PLCXD3: variants seen among roughly 807,000 people sequenced by gnomAD.
The protein encoded by PLCXD3 is phosphatidylinositol specific phospholipase C X domain containing 3.
PLCXD3 carries 19 observed loss-of-function variants against 25.5 expected under a neutral mutation model. That is an observed-to-expected ratio of 0.75 (90% CI 0.52 to 1.09). PLCXD3 has a LOEUF of 1.09. PLCXD3 is among the 50% of genes least tolerant of loss of function. The pLI is 0.00. For synonymous variants in PLCXD3, 174 were observed against 137.6 expected (o/e 1.26, Z -1.85); for missense variants, 411 against 388.1 (o/e 1.06, Z -0.50).
At chr5:41,354,089 C>T (rs948954726) in intron 2 of PLCXD3, among the ~76,000 whole-genome samples, 4 of 152,122 alleles carry the variant, frequency 2.6e-5, no homozygotes, top group African/African-American at 9.7e-5. Context: ...TTTTCTTCTG[C>T]CCAAGCCTAA....
chr5:41,400,347 A>C lies in PLCXD3; in HGVS notation c.104-17813T>G, dbSNP rs527427389. On this transcript the variant is annotated intron_variant, in intron 1 of 2. Coordinates refer to ENST00000377801, the MANE Select transcript of PLCXD3 (RefSeq NM_001005473.3). ...CCATCCCACTGCTGGGTATATACCC[A>C]AAAAAAGAAAATCAGTATACTGAAG... is the stretch of plus-strand genomic sequence containing the variant. 4.1e-4 allele frequency among the ~76,000 whole-genome samples: 63 copies of C among 152,218 alleles called. No individual in the cohort carries two copies. The East Asian group carries it at 7.2e-3, about 17-fold the overall frequency.
chr5:41,388,385 G>A (rs895836945), intron 1 of PLCXD3, among the ~76,000 whole-genome samples: 1 of 151,944 alleles, frequency 6.6e-6, no homozygotes, highest in Non-Finnish European at 1.5e-5. Flanking sequence ...TAAAAATTAA[G>A]CATTAATAAC....
chr5:41,334,324 A>G (rs1743919632), intron 2 of PLCXD3, among the ~76,000 whole-genome samples: 1 of 152,088 alleles, frequency 6.6e-6, no homozygotes, highest in African/African-American at 2.4e-5. Flanking sequence ...CCAGGTGACA[A>G]TATCTTTGAT....
chr5:41,377,695 G>A lies in PLCXD3; in HGVS notation c.812+4131C>T, dbSNP rs189952694. On this transcript the variant is annotated intron_variant, in intron 2 of 2. Coordinates refer to ENST00000377801, the MANE Select transcript of PLCXD3 (RefSeq NM_001005473.3). Reference sequence around the variant, plus strand: ...ACCATTGGCCAGATCGAAAGCTACGGTACCTAAATCCAGGCTAGATTTAGT... The same window carrying A: ...ACCATTGGCCAGATCGAAAGCTACGATACCTAAATCCAGGCTAGATTTAGT... Among the ~76,000 whole-genome samples the A allele has an allele frequency of 2.7e-3, 417 of 152,144 alleles. 2 individuals are homozygous for A. Among genetic ancestry groups the A allele is most frequent in the African/African-American group, 9.5e-3 (396 of 41,546 alleles).
chr5:41,329,607 T>C (rs779590055), intron 2 of PLCXD3, among the ~76,000 whole-genome samples: 6 of 152,112 alleles, frequency 3.9e-5, no homozygotes, highest in Non-Finnish European at 8.8e-5. Flanking sequence ...ACAAAAAATA[T>C]TGACTTGAAG....
chr5:41,362,826 G>GT (rs1190296982), intron 2 of PLCXD3, among the ~76,000 whole-genome samples: 1 of 152,028 alleles, frequency 6.6e-6, no homozygotes, highest in Non-Finnish European at 1.5e-5. Flanking sequence ...AATTCACTTG[G>GT]TTTAGGGTCA....
intron 1 of PLCXD3, among the ~76,000 whole-genome samples, chr5:41,472,892 G>A (rs1748196467): frequency 1.3e-5 from 2 of 151,994 alleles, no homozygotes; most frequent in African/African-American, 2.4e-5. Context: ...CCTCATATAA[G>A]GAACAATTTT....
intron 2 of PLCXD3, among the ~76,000 whole-genome samples, chr5:41,330,173 T>TA (rs1227094834): frequency 2.6e-5 from 4 of 151,578 alleles, no homozygotes; most frequent in Non-Finnish European, 5.9e-5. Context: ...AAGATTATTA[T>TA]AAAAATGTCA....
chr5:41,377,499 A>C (rs572682254), intron 2 of PLCXD3, among the ~76,000 whole-genome samples: 2 of 152,206 alleles, frequency 1.3e-5, no homozygotes, highest in Admixed American at 1.3e-4. Context: ...GCAAATTAGG[A>C]AAGGACTTTA....
At chr5:41,381,144 A>G (rs1745446953) in intron 2 of PLCXD3, among the ~76,000 whole-genome samples, 1 of 152,146 alleles carries the variant, frequency 6.6e-6, no homozygotes, top group South Asian at 2.1e-4. Flanking sequence ...TCTACTTCTC[A>G]GTGTTGTTAT....
chr5:41,327,259 A>T (rs1436371846), intron 2 of PLCXD3, among the ~76,000 whole-genome samples: 1 of 152,044 alleles, frequency 6.6e-6, no homozygotes, highest in Non-Finnish European at 1.5e-5. Context: ...GGTGTGGGGG[A>T]ATTGACTGCA....
intron 1 of PLCXD3, among the ~76,000 whole-genome samples, chr5:41,417,047 T>C (rs935096198): frequency 6.6e-6 from 1 of 152,184 alleles, no homozygotes; most frequent in Non-Finnish European, 1.5e-5. Flanking sequence ...TGTTTCTCTT[T>C]TCTTCTCAAA....
chr5:41,378,390 G>A (rs1000850700), intron 2 of PLCXD3, among the ~76,000 whole-genome samples: 3 of 151,998 alleles, frequency 2.0e-5, no homozygotes, highest in African/African-American at 7.2e-5. Context: ...ATAATGACAA[G>A]GTTCAGATAT....
chr5:41,403,265 T>C (rs1362820654), intron 1 of PLCXD3, among the ~76,000 whole-genome samples: 5 of 148,698 alleles, frequency 3.4e-5, no homozygotes, highest in African/African-American at 1.2e-4. Flanking sequence ...AAAACAAGAT[T>C]AGAAAAGAGG....
At chr5:41,502,192 G>A (rs1433705589) in intron 1 of PLCXD3, among the ~76,000 whole-genome samples, 1 of 152,092 alleles carries the variant, frequency 6.6e-6, no homozygotes, top group African/African-American at 2.4e-5. Flanking sequence ...GTATGAGCAG[G>A]TCTAGATCTT....
chr5:41,473,795 G>A (rs1297482295), intron 1 of PLCXD3, among the ~76,000 whole-genome samples: 6 of 152,058 alleles, frequency 3.9e-5, no homozygotes, highest in African/African-American at 7.2e-5. Flanking sequence ...ATTTTCAAGC[G>A]TCCTCAGTAC....
chr5:41,366,096 C>T (rs1409877224), intron 2 of PLCXD3, among the ~76,000 whole-genome samples: 1 of 152,086 alleles, frequency 6.6e-6, no homozygotes, highest in Non-Finnish European at 1.5e-5. Context: ...TCCCCACTCT[C>T]CCAGCCCCAC....
chr5:41,363,502 G>T (rs541009294), intron 2 of PLCXD3, among the ~76,000 whole-genome samples: 5 of 152,108 alleles, frequency 3.3e-5, no homozygotes, highest in African/African-American at 1.2e-4. Flanking sequence ...CTGAAGATGA[G>T]CTGTCATTCA....
chr5:41,412,266 A>G (rs111263521), intron 1 of PLCXD3, among the ~76,000 whole-genome samples: 306 of 152,318 alleles, frequency 2.0e-3, no homozygotes, highest in African/African-American at 7.1e-3. Context: ...AGTATTACAT[A>G]GTCTTCAAAC....
Sources: gnomAD v4.1 joint callset for allele counts (sites outside exome capture counted in the v4.1 genomes callset) on GRCh38, gnomAD v4.1.1 for gene constraint, MANE v1.5 for transcripts, NCBI Gene and HGNC (gene_info 2026-07-23, HGNC 2026-07-21) for gene names.